The following ATP11A variants were observed in gnomAD, a reference collection of about 807,000 sequenced individuals.
ATP11A encodes the protein ATPase phospholipid transporting 11A.
A neutral mutation model predicts 154.4 loss-of-function variants in ATP11A; 81 were observed. That is an observed-to-expected ratio of 0.52 (90% CI 0.44 to 0.63). The LOEUF (loss-of-function observed/expected upper bound fraction) is 0.63. ATP11A is among the 30% of genes least tolerant of loss of function. The probability of loss-of-function intolerance (pLI) is 0.00; values close to 1 mark genes in which losing one functional copy is unlikely to be tolerated. For synonymous variants in ATP11A, 623 were observed against 585.9 expected (o/e 1.06, Z -0.91); for missense variants, 1,316 against 1,474.3 (o/e 0.89, Z 1.76).
intron 2 of ATP11A, among the ~76,000 whole-genome samples, chr13:112,802,018 G>T (rs548492811): frequency 6.6e-6 from 1 of 152,158 alleles, no homozygotes; most frequent in South Asian, 2.1e-4. Flanking sequence ...GTAAAACTAC[G>T]GTAATCAAGA....
chr13:112,721,371 C>A (rs902902020), intron 1 of ATP11A, among the ~76,000 whole-genome samples: 6 of 152,206 alleles, frequency 3.9e-5, no homozygotes, highest in Non-Finnish European at 8.8e-5. Context: ...AAAGAGAAAA[C>A]GTACCTTTGC....
At chr13:112,694,509 G>A (rs1465218165) in intron 1 of ATP11A, among the ~76,000 whole-genome samples, 1 of 152,162 alleles carries the variant, frequency 6.6e-6, no homozygotes, top group Non-Finnish European at 1.5e-5. Context: ...TACACGCTGT[G>A]GTAAAACAGC....
intron 2 of ATP11A, among the ~76,000 whole-genome samples, chr13:112,798,745 G>A (rs908236531): frequency 6.6e-6 from 1 of 152,170 alleles, no homozygotes; most frequent in African/African-American, 2.4e-5. Flanking sequence ...CAGGAAAAGA[G>A]TATAAGTCAC....
At chr13:112,862,011 GCAGGCGTAAGGCGTCACGT>G (rs140783913) in intron 24 of ATP11A, among the ~76,000 whole-genome samples, 32 of 95,232 alleles carry the variant, frequency 3.4e-4, no homozygotes, top group Middle Eastern at 6.6e-3. Context: ...AGGTGTCACA[GCAGGCGTAAGGCGTCACGT>G]CAGGCGTAAG....
intron 1 of ATP11A, among the ~76,000 whole-genome samples, chr13:112,778,530 T>A (rs2077402465): frequency 6.6e-6 from 1 of 152,262 alleles, no homozygotes; most frequent in South Asian, 2.1e-4. Context: ...GCCCAGGAGT[T>A]CAAGGCTACG....
rs1339339359 is a variant in ATP11A, at chr13:112,746,534, C to G, written c.40-38601C>G. The G allele has an allele frequency of 1.3e-5, 2 of 152,112 alleles. No individual in the cohort carries two copies. Among genetic ancestry groups the G allele is most frequent in the Non-Finnish European group, 2.9e-5 (2 of 68,086 alleles). The allele number at this position is 152,112 out of a possible 1,614,324, so 9.4% of individuals were successfully genotyped here. A position where few individuals can be genotyped will look rare whatever the true frequency, so the allele number is the denominator to read the frequency against. ...CCATCCTGCTCCGTGTAGGTAGTAT[C>G]TCATTGTGGGGTTTTGTTGTTGTTT... On this transcript the variant is annotated intron_variant, in intron 1 of 29. Transcript: ENST00000375645. This position sits in a 1 kb window ranked among gnomAD's most constrained non-coding sequence, Gnocchi z 4.1.
intron 1 of ATP11A, among the ~76,000 whole-genome samples, chr13:112,757,753 G>T (rs1041536995): frequency 3.3e-5 from 5 of 152,214 alleles, no homozygotes; most frequent in Non-Finnish European, 4.4e-5. Flanking sequence ...GTATTAAAAA[G>T]AAAAGTCTTT....
In ATP11A at chr13:112,867,501, C is replaced by G. The variant is rs534837788; in HGVS notation, c.2992-4234C>G. Reference sequence around the variant, plus strand: ...GTGCTCCTGAATGAGGTGCTGGCAACGCAGTGCCAGGGGCTTCTCTCAGCC... The same window carrying G: ...GTGCTCCTGAATGAGGTGCTGGCAAGGCAGTGCCAGGGGCTTCTCTCAGCC... On this transcript the variant is annotated intron_variant, in intron 25 of 29. Coordinates refer to ENST00000375645, the MANE Select transcript of ATP11A (RefSeq NM_015205.3). 2.6e-5 allele frequency among the ~76,000 whole-genome samples: 4 copies of G among 152,318 alleles called. 1 individual carries two copies. The South Asian group carries it at 8.3e-4, about 32-fold the overall frequency.
chr13:112,833,876 C>G (rs1030138892), intron 14 of ATP11A, among the ~76,000 whole-genome samples: 1 of 152,232 alleles, frequency 6.6e-6, no homozygotes, highest in Non-Finnish European at 1.5e-5. Context: ...CCCCGCCCAC[C>G]TTTGAGACTC....
intron 5 of ATP11A, among the ~76,000 whole-genome samples, chr13:112,813,467 G>A (rs754024050): frequency 6.6e-6 from 1 of 152,222 alleles, no homozygotes; most frequent in Non-Finnish European, 1.5e-5. Context: ...TTGCTAAGGA[G>A]CGTTCCATGA....
At chr13:112,780,944 C>T (rs1194225420) in intron 1 of ATP11A, among the ~76,000 whole-genome samples, 1 of 152,120 alleles carries the variant, frequency 6.6e-6, no homozygotes, top group Non-Finnish European at 1.5e-5. Flanking sequence ...AGGCTGGGGT[C>T]TCCATCCTCC....
intron 1 of ATP11A, among the ~76,000 whole-genome samples, chr13:112,769,178 C>A (rs887710166): frequency 3.3e-5 from 5 of 152,190 alleles, no homozygotes. Context: ...CGGCCTCCCC[C>A]ACTTGCCTTT....
chr13:112,857,964 A>AT, intron 21 of ATP11A, 44 bp downstream of exon 21: 1 of 1,602,026 alleles, frequency 6.2e-7, no homozygotes, highest in Non-Finnish European at 8.6e-7. Context: ...TGGCCAGGTC[A>AT]CCCCTTCGCT....
chr13:112,821,173 T>A (rs963746225), intron 8 of ATP11A, among the ~76,000 whole-genome samples: 4 of 152,232 alleles, frequency 2.6e-5, no homozygotes, highest in Non-Finnish European at 4.4e-5. Flanking sequence ...ATATTACCTA[T>A]GGGATGAATC....
At chr13:112,744,765 C>T (rs368424909) in intron 1 of ATP11A, among the ~76,000 whole-genome samples, 3 of 152,230 alleles carry the variant, frequency 2.0e-5, no homozygotes, top group Admixed American at 6.5e-5. Flanking sequence ...AACAGTGTTC[C>T]AAGTGTGTCC....
intron 1 of ATP11A, chr13:112,745,839 G>A (rs574015480): frequency 6.6e-6 from 1 of 152,300 alleles, no homozygotes; most frequent in Admixed American, 6.5e-5. Flanking sequence ...GCAGTATTGA[G>A]CACCTCCACA....
chr13:112,881,491 A>G, intron 29 of ATP11A: 2 of 1,096,138 alleles, frequency 1.8e-6, no homozygotes, highest in Non-Finnish European at 2.2e-6. Context: ...TACAGGGAGG[A>G]AGCTCGTAGG....
intron 13 of ATP11A, 109 bp downstream of exon 13, chr13:112,831,657 C>T (rs1046576345): frequency 3.8e-6 from 5 of 1,300,278 alleles, no homozygotes; most frequent in African/African-American, 1.5e-5. Context: ...GCCCTCTCTA[C>T]GGACTTCAGT....
chr13:112,832,762 C>T (rs554421825), intron 13 of ATP11A, 98 bp from the exon 14 acceptor site: 2 of 1,468,352 alleles, frequency 1.4e-6, no homozygotes, highest in South Asian at 2.6e-5. Context: ...CGCGGGGACC[C>T]CCCCCACCCC....
Sources: gnomAD v4.1 joint callset for allele counts (sites outside exome capture counted in the v4.1 genomes callset) on GRCh38, gnomAD v4.1.1 for gene constraint, Gnocchi (gnomAD v3.1) non-coding constraint, MANE v1.5 for transcripts, NCBI Gene and HGNC (gene_info 2026-07-23, HGNC 2026-07-21) for gene names.